DHX9: variants seen among roughly 807,000 people sequenced by gnomAD.
DHX9 encodes the protein ATP-dependent RNA helicase A.
In DHX9, 27 loss-of-function variants were observed where a neutral mutation model predicts 148.7. That is an observed-to-expected ratio of 0.18 (90% CI 0.13 to 0.25). The LOEUF is 0.25. DHX9 is among the 10% of genes least tolerant of loss of function. DHX9 has a pLI of 1.00. For synonymous variants in DHX9, 529 were observed against 516.6 expected (o/e 1.02, Z -0.33); for missense variants, 796 against 1,559.6 (o/e 0.51, Z 8.25).
chr1:182,876,955 T>G, intron 19 of DHX9, 52 bp downstream of exon 19: 1 of 1,301,720 alleles, frequency 7.7e-7, no homozygotes, highest in Non-Finnish European at 1.1e-6. Context: ...AACTGGAAAC[T>G]TCTTACCAGT....
chr1:182,844,414 T>C (rs1389299660), intron 3 of DHX9, among the ~76,000 whole-genome samples: 1 of 152,244 alleles, frequency 6.6e-6, no homozygotes, highest in Non-Finnish European at 1.5e-5. Context: ...TTTTTTCTTT[T>C]TGGGGCTCAA....
At chr1:182,854,285 T>C (rs916711226) in intron 6 of DHX9, 107 bp downstream of exon 6, 3 of 1,009,420 alleles carry the variant, frequency 3.0e-6, no homozygotes, top group Middle Eastern at 2.2e-4. Context: ...TTGTGTGGAT[T>C]AGAATTGAAT....
chr1:182,874,585 TTTGA>T (rs1233977907), intron 15 of DHX9, among the ~76,000 whole-genome samples: 1 of 152,178 alleles, frequency 6.6e-6, no homozygotes, highest in East Asian at 1.9e-4. Context: ...TAGATAAATG[TTTGA>T]TTGAATGTTA....
In DHX9 at chr1:182,880,597, G is replaced by A. The variant is rs763574124; in HGVS notation, c.2613G>A (p.Gly871=). ...GTTTTGGCAAAATGATGATAATGGG[G>A]TGTATTTTCTAGTAAGTGCTTTGTT... is the stretch of plus-strand genomic sequence containing the variant. The part of the protein sequence containing the change: ...EPRFGKMMIM[G]CIFYVGDAIC... The change falls in exon 22 of 28, where the codon GGG becomes GGA. Residue 871 remains glycine, a synonymous_variant. Coordinates refer to ENST00000367549, the MANE Select transcript of DHX9 (RefSeq NM_001357.5). The A allele has an allele frequency of 1.9e-6, 3 of 1,609,094 alleles. No homozygotes were observed. Among genetic ancestry groups the A allele is most frequent in the Non-Finnish European group, 1.7e-6 (2 of 1,175,766 alleles).
In DHX9 at chr1:182,887,378, AGGG is replaced by A. The variant is rs775120310; in HGVS notation, c.3761_3763del (p.Gly1254del). ...TGGGGGATTCCAGCGAGGAGGTGGT[AGGG>A]GGGCCTATGGAACTGGCTACTTTGG... On this transcript the variant is annotated inframe_deletion, in exon 28 of 28. Transcript: ENST00000367549. The A allele has an allele frequency of 1.1e-5, 17 of 1,613,824 alleles. No individual in the cohort carries two copies. Among genetic ancestry groups the A allele is most frequent in the Non-Finnish European group, 1.3e-5 (15 of 1,179,976 alleles).
At chr1:182,865,501 G>T (rs1363068985) in intron 12 of DHX9, among the ~76,000 whole-genome samples, 1 of 152,182 alleles carries the variant, frequency 6.6e-6, no homozygotes, top group African/African-American at 2.4e-5. Flanking sequence ...CTTATCCATT[G>T]CTAAATAAGA....
At chr1:182,877,531 A>G (rs571934878) in intron 19 of DHX9, 143 of 154,838 alleles carry the variant, frequency 9.2e-4, no homozygotes, top group Non-Finnish European at 1.3e-3. Flanking sequence ...TTCTGTGCCA[A>G]TCCCAGTCAT....
intron 21 of DHX9, among the ~76,000 whole-genome samples, 161 bp from the exon 22 acceptor site, chr1:182,880,336 A>G (rs574648237): frequency 1.8e-4 from 28 of 152,248 alleles, no homozygotes; most frequent in African/African-American, 5.8e-4. Flanking sequence ...ATTTTGTTCT[A>G]TTTTTGAGTA....
At chr1:182,844,614 A>G (rs756179628) in intron 3 of DHX9, among the ~76,000 whole-genome samples, 3 of 151,884 alleles carry the variant, frequency 2.0e-5, no homozygotes, top group East Asian at 1.9e-4. Flanking sequence ...GCTCACTGCA[A>G]CCTCCACCTC....
At chr1:182,859,505 G>C (rs1668317544) in intron 11 of DHX9, among the ~76,000 whole-genome samples, 1 of 152,168 alleles carries the variant, frequency 6.6e-6, no homozygotes, top group South Asian at 2.1e-4. Flanking sequence ...GTGAAAAGAA[G>C]TAGTTCTATT....
intron 14 of DHX9, among the ~76,000 whole-genome samples, chr1:182,871,221 A>G (rs1007546270): frequency 2.6e-5 from 4 of 152,216 alleles, no homozygotes; most frequent in African/African-American, 9.6e-5. Context: ...TAGTAGAAAA[A>G]TGATCAAAAA....
At chr1:182,846,696 C>T (rs909861753) in intron 3 of DHX9, among the ~76,000 whole-genome samples, 2 of 152,002 alleles carry the variant, frequency 1.3e-5, no homozygotes, top group African/African-American at 2.4e-5. Context: ...GTGTTGTGAC[C>T]GGGCATGGGT....
At chr1:182,869,446 C>G (rs916124991) in intron 14 of DHX9, among the ~76,000 whole-genome samples, 7 of 152,048 alleles carry the variant, frequency 4.6e-5, no homozygotes, top group African/African-American at 1.7e-4. Context: ...CTGGTCCTGT[C>G]TTATCTGATG....
At chr1:182,858,345 A>C in intron 8 of DHX9, 105 bp downstream of exon 8, 1 of 1,337,726 alleles carries the variant, frequency 7.5e-7, no homozygotes, top group Non-Finnish European at 1.0e-6. Context: ...TTACCTCAGG[A>C]AATGAAAATG....
At chr1:182,869,277 C>T (rs775738672) in intron 14 of DHX9, among the ~76,000 whole-genome samples, 38 of 152,108 alleles carry the variant, frequency 2.5e-4, no homozygotes, top group African/African-American at 7.7e-4. Flanking sequence ...CAGTCCTGAC[C>T]GGTCTTATCC....
chr1:182,846,712 T>G (rs1668036570), intron 3 of DHX9, among the ~76,000 whole-genome samples: 1 of 152,242 alleles, frequency 6.6e-6, no homozygotes, highest in Non-Finnish European at 1.5e-5. Flanking sequence ...TGGGTTTTTT[T>G]GTATGTGTGT....
Position 182,856,577 on chromosome 1 carries a change from A to T in DHX9, c.672A>T (p.Arg224Ser). Residue 224 changes from arginine to serine, a missense_variant and splice_region_variant, in exon 7 of 28, where the codon AGA becomes AGT. By Grantham distance (110) the Arg-to-Ser change is moderately radical. This residue lies in a region of DHX9 where 46 missense variants were observed against 136.3 expected (regional missense o/e 0.34). Transcript: ENST00000367549. ...EMTIYIKQLGRRIFAREHGSN... is the reference protein window; with the variant it reads ...EMTIYIKQLGSRIFAREHGSN... ...CCATTTATATCAAGCAGCTGGGCAGAAGTAAGTGTTACTGTTTCCCCAATA... is the reference window on the plus strand; with the variant it reads ...CCATTTATATCAAGCAGCTGGGCAGTAGTAAGTGTTACTGTTTCCCCAATA... 1 of 1,613,840 alleles carries T rather than the reference A, an allele frequency of 6.2e-7. No homozygotes were observed. The highest frequency in any genetic ancestry group is 1.7e-5 in the Admixed American group (1 of 60,004).
At chr1:182,875,367 G>A (rs1049743464) in intron 16 of DHX9, among the ~76,000 whole-genome samples, 1 of 152,156 alleles carries the variant, frequency 6.6e-6, no homozygotes, top group Admixed American at 6.5e-5. Flanking sequence ...AAGATCCTCA[G>A]GTGATCTGTA....
rs1048131096 is a variant in DHX9, at chr1:182,858,201, A to G, written c.771A>G (p.Glu257=). 1 of 1,614,144 alleles carries G rather than the reference A, an allele frequency of 6.2e-7. No homozygotes were observed. Among genetic ancestry groups the G allele is most frequent in the Middle Eastern group, 1.7e-4 (1 of 6,058 alleles). The change falls in exon 8 of 28, where the codon GAA becomes GAG. Residue 257 remains glutamate, a synonymous_variant. Transcript: ENST00000367549. ...AACTGTACCATCTTGGAGTGGTTGA[A>G]GCTTACTCCGGACTTACAAAGAAGA... is the stretch of plus-strand genomic sequence containing the variant. ...VRQLYHLGVV[E]AYSGLTKKKE... is the part of the protein sequence containing the mutation.
Sources: gnomAD v4.1 joint callset for allele counts (sites outside exome capture counted in the v4.1 genomes callset) on GRCh38, gnomAD v4.1.1 for gene constraint, gnomAD v4.1.1 regional missense constraint, MANE v1.5 for transcripts, NCBI Gene and HGNC (gene_info 2026-07-23, HGNC 2026-07-21) for gene names.